The following DYRK2 variants were observed in gnomAD, a reference collection of about 807,000 sequenced individuals.
DYRK2 encodes the protein dual specificity tyrosine phosphorylation regulated kinase 2.
In DYRK2, 12 loss-of-function variants were observed where a neutral mutation model predicts 41.6. The observed-to-expected ratio is 0.29, with a 90% CI of 0.18 to 0.47. The LOEUF (loss-of-function observed/expected upper bound fraction) is 0.47. DYRK2 is among the 20% of genes least tolerant of loss of function. DYRK2 has a pLI of 1.00. For synonymous variants in DYRK2, 322 were observed against 315.7 expected, an observed-to-expected ratio of 1.02 and a Z score of -0.21; for missense variants, 678 against 798.4, an observed-to-expected ratio of 0.85 and a Z score of 1.82.
chr12:67,649,370 C>T (rs150545353), intron 1 of DYRK2, among the ~76,000 whole-genome samples, 188 bp downstream of exon 1: 2,559 of 151,596 alleles, frequency 0.017, 63 homozygotes, highest in African/African-American at 0.059. Flanking sequence ...GGCCCCTCCG[C>T]GGGGAGCCCT....
At chr12:67,655,578 A>AT (rs1272975234) in intron 2 of DYRK2, among the ~76,000 whole-genome samples, 2 of 152,224 alleles carry the variant, frequency 1.3e-5, no homozygotes, top group Non-Finnish European at 2.9e-5. Context: ...GTGATAAAAA[A>AT]GCTCAGTTAT....
chr12:67,648,902 G>C lies in DYRK2; in HGVS notation c.-232G>C. The C allele has an allele frequency of 2.9e-6, 1 of 350,752 alleles. No individual in the cohort carries two copies. The highest frequency in any genetic ancestry group is 5.1e-6 in the Non-Finnish European group (1 of 196,620). The allele number at this position is 350,752 out of a possible 1,614,324, so 21.7% of individuals were successfully genotyped here. On this transcript the variant is annotated 5_prime_UTR_variant, in exon 1 of 3. Coordinates refer to ENST00000344096, the MANE Select transcript of DYRK2 (RefSeq NM_006482.3). The stretch of plus-strand genomic sequence containing the variant: ...GCCGGAGGGTGCTGCAGCCGCCCGA[G>C]GAAGAGGAGGACGGCGGCGAGGAGG...
rs1001100183 is a variant in DYRK2 at position 67,657,867 on chromosome 12, C to T, written c.960C>T (p.Phe320=). 2 of 1,614,116 alleles carry T rather than the reference C, an allele frequency of 1.2e-6. No individual in the cohort carries two copies. Among genetic ancestry groups the T allele is most frequent in the African/African-American group, 1.3e-5 (1 of 74,946 alleles). ...TCAAGAAGAATAAATTCCAGGGCTTCAGTCTGCCTTTGGTTCGCAAGTTTG... is the reference window on the plus strand; with the variant it reads ...TCAAGAAGAATAAATTCCAGGGCTTTAGTCTGCCTTTGGTTCGCAAGTTTG... ...ELIKKNKFQG[F]SLPLVRKFAH... Residue 320 remains phenylalanine (F), a synonymous_variant, in exon 3 of 3, where the codon TTC becomes TTT. Transcript: ENST00000344096. The surrounding 1 kb of genome is among the most constrained non-coding windows in gnomAD (Gnocchi z 4.8).
chr12:67,657,242 C>T lies in DYRK2; in HGVS notation c.335C>T (p.Thr112Ile), dbSNP rs893362378. ...TVLTTQPNGL[T>I]TVGKTGLPVV... ...CTCACGACACAACCAAATGGGCTTA[C>T]AACAGTGGGCAAAACGGGCTTGCCA... Residue 112 changes from threonine to isoleucine, a missense_variant, in exon 3 of 3, where the codon ACA becomes ATA. Thr to Ile is a moderately conservative substitution (Grantham distance 89). Transcript: ENST00000344096. This position sits in a 1 kb window ranked among gnomAD's most constrained non-coding sequence, Gnocchi z 4.8. 6.2e-7 allele frequency: 1 copy of T among 1,614,032 alleles called. No homozygotes were observed. The highest frequency in any genetic ancestry group is 8.5e-7 in the Non-Finnish European group (1 of 1,180,014).
chr12:67,654,030 G>T (rs1872398813), intron 2 of DYRK2, among the ~76,000 whole-genome samples: 1 of 152,182 alleles, frequency 6.6e-6, no homozygotes, highest in Admixed American at 6.5e-5. Context: ...CCCCCTAAAA[G>T]CCCTAATGAG....
chr12:67,660,970 C>A lies in DYRK2; in HGVS notation c.*2257C>A, dbSNP rs1872606864. The A allele has an allele frequency of 6.0e-6, 1 of 166,968 alleles. No homozygotes were observed. The highest frequency in any genetic ancestry group is 1.5e-5 in the Non-Finnish European group (1 of 68,108). The allele number at this position is 166,968 out of a possible 1,614,324, so 10.3% of individuals were successfully genotyped here. A position where few individuals can be genotyped will look rare whatever the true frequency, so the allele number is the denominator to read the frequency against. On this transcript the variant is annotated 3_prime_UTR_variant, in exon 3 of 3. Coordinates refer to ENST00000344096, the MANE Select transcript of DYRK2 (RefSeq NM_006482.3). ...AACATTTATAAATGGACTAATACTG[C>A]TTGTCTTTCCCCCACCGCACAAAAC... is the stretch of plus-strand genomic sequence containing the variant.
intron 2 of DYRK2, chr12:67,652,678 A>G (rs920977030): frequency 6.6e-6 from 1 of 152,260 alleles, no homozygotes; most frequent in Non-Finnish European, 1.5e-5. Flanking sequence ...ATTGGAAGAA[A>G]TGAAAACTAC....
rs777366599 is a variant in DYRK2 at position 67,657,140 on chromosome 12, T to C, written c.233T>C (p.Leu78Pro). 1 of 1,582,478 alleles carries C rather than the reference T, an allele frequency of 6.3e-7. No homozygotes were observed. ...AGTAAGCACACAATGAATGATCACC[T>C]GCATGTCGGCAGCCACGCTCACGGA... ...GGSKHTMNDH[L>P]HVGSHAHGQI... Residue 78 changes from leucine to proline, a missense_variant, in exon 3 of 3, where the codon CTG becomes CCG. Leu to Pro is a moderately conservative substitution (Grantham distance 98, BLOSUM62 -3). Around this residue, in one of 2 missense-constraint regions of DYRK2, gnomAD observed 285 missense variants for 279.2 expected, o/e 1.02. Transcript: ENST00000344096. The surrounding 1 kb of genome is among the most constrained non-coding windows in gnomAD (Gnocchi z 4.8).
At position 67,657,325 on chromosome 12, in the gene DYRK2, C is replaced by T. The variant is rs1217584168; in HGVS notation, c.418C>T (p.Leu140=). 1.2e-6 allele frequency: 2 copies of T among 1,613,974 alleles called. No homozygotes were observed. The highest frequency in any genetic ancestry group is 1.7e-6 in the Non-Finnish European group (2 of 1,179,950). The change falls in exon 3 of 3, where the codon CTA becomes TTA. Residue 140 remains leucine, a synonymous_variant. Coordinates refer to ENST00000344096, the MANE Select transcript of DYRK2 (RefSeq NM_006482.3). This position sits in a 1 kb window ranked among gnomAD's most constrained non-coding sequence, Gnocchi z 4.8. The stretch of plus-strand genomic sequence containing the variant: ...TAGACGGCAGGGGAGCTCCACCTCT[C>T]TAAAGTCCATGGAAGGCATGGGGAA... ...IHRRQGSSTS[L]KSMEGMGKVK...
rs758935204 is a variant in DYRK2 at position 67,657,111 on chromosome 12, C to T, written c.204C>T (p.Gly68=). 15 of 1,541,860 alleles carry T rather than the reference C, an allele frequency of 9.7e-6. No individual in the cohort carries two copies. The South Asian group carries it at 1.0e-4, about 10-fold the overall frequency. Residue 68 remains glycine (G), a synonymous_variant, in exon 3 of 3, where the codon GGC becomes GGT. Transcript: ENST00000344096. The surrounding 1 kb of genome is among the most constrained non-coding windows in gnomAD (Gnocchi z 4.8). ...ATTTCCTGTCTGAATTCCAGATTGG[C>T]GGCAGTAAGCACACAATGAATGATC... ...SNAAAAAHTI[G]GSKHTMNDHL... is the part of the protein sequence containing the mutation.
At chr12:67,655,572 T>TA (rs910097085) in intron 2 of DYRK2, among the ~76,000 whole-genome samples, 2 of 152,314 alleles carry the variant, frequency 1.3e-5, no homozygotes, top group African/African-American at 4.8e-5. Flanking sequence ...ATGAGTGTGA[T>TA]AAAAAAGCTC....
chr12:67,649,533 C>T (rs921122617), intron 1 of DYRK2: 36 of 375,750 alleles, frequency 9.6e-5, no homozygotes, highest in African/African-American at 7.3e-4. Context: ...GCAACGTGGG[C>T]CGCCTAGCCC....
In DYRK2 at chr12:67,657,549, C is replaced by G. The variant is rs777122227; in HGVS notation, c.642C>G (p.Pro214=). The G allele has an allele frequency of 3.7e-6, 6 of 1,613,884 alleles. No homozygotes were observed. The East Asian group carries it at 1.3e-4, about 36-fold the overall frequency. ...DDDQGSYVQV[P]HDHVAYRYEV... ...ACCAGGGATCATATGTGCAGGTGCCCCACGATCACGTGGCTTACAGGTATG... is the reference window on the plus strand; with the variant it reads ...ACCAGGGATCATATGTGCAGGTGCCGCACGATCACGTGGCTTACAGGTATG... Residue 214 remains proline, a synonymous_variant, in exon 3 of 3, where the codon CCC becomes CCG. Transcript: ENST00000344096. The surrounding 1 kb of genome is among the most constrained non-coding windows in gnomAD (Gnocchi z 4.8).
In DYRK2 at chr12:67,663,724, GACTC is replaced by G. The variant is rs1872680374; in HGVS notation, c.*5013_*5016del. On this transcript the variant is annotated 3_prime_UTR_variant, in exon 3 of 3. Coordinates refer to ENST00000344096, the MANE Select transcript of DYRK2 (RefSeq NM_006482.3). ...ATTTCTTGTCCAGATCTGACTGACT[GACTC>G]AGGAGATTATAGTTCCTACTCATTC... The G allele has an allele frequency of 6.6e-6, 1 of 152,182 alleles. No homozygotes were observed. Among genetic ancestry groups the G allele is most frequent in the South Asian group, 2.1e-4 (1 of 4,826 alleles). 9.4% of individuals were successfully genotyped at this position (152,182 alleles called of 1,614,324 possible). A position where few individuals can be genotyped will look rare whatever the true frequency, so the allele number is the denominator to read the frequency against.
In DYRK2 at chr12:67,665,211, A is replaced by G. The variant is rs1383515265; in HGVS notation, c.*6498A>G. ...TTATCCCAATTTATCTCCCCTCCTAAGTTTGAGGAGTTTTATATATTAAGG... is the reference window on the plus strand; with the variant it reads ...TTATCCCAATTTATCTCCCCTCCTAGGTTTGAGGAGTTTTATATATTAAGG... On this transcript the variant is annotated 3_prime_UTR_variant, in exon 3 of 3. Transcript: ENST00000344096. 6.6e-6 allele frequency: 1 copy of G among 152,138 alleles called. No homozygotes were observed. The highest frequency in any genetic ancestry group is 1.5e-5 in the Non-Finnish European group (1 of 68,012). 9.4% of individuals were successfully genotyped at this position (152,138 alleles called of 1,614,324 possible).
intron 2 of DYRK2, among the ~76,000 whole-genome samples, chr12:67,654,291 G>A (rs1485385371): frequency 3.3e-5 from 5 of 152,218 alleles, no homozygotes; most frequent in Admixed American, 1.3e-4. Flanking sequence ...GATGAGAATG[G>A]AAGGACTCCG....
In DYRK2 at chr12:67,663,538, TTGTTAC is replaced by T. The variant is rs748843968; in HGVS notation, c.*4828_*4833del. 2.0e-5 allele frequency: 3 copies of T among 152,154 alleles called. No individual in the cohort carries two copies. The highest frequency in any genetic ancestry group is 2.9e-5 in the Non-Finnish European group (2 of 68,010). 9.4% of individuals were successfully genotyped at this position (152,154 alleles called of 1,614,324 possible). ...TCGTCATAGCCTGGGCCATAGATTT[TTGTTAC>T]TGCTAATCTTGCTTCTTAAAGTTCA... is the stretch of plus-strand genomic sequence containing the variant. On this transcript the variant is annotated 3_prime_UTR_variant, in exon 3 of 3. Coordinates refer to ENST00000344096, the MANE Select transcript of DYRK2 (RefSeq NM_006482.3).
intron 2 of DYRK2, among the ~76,000 whole-genome samples, chr12:67,652,996 A>ATTTTTTTTTTTTT: frequency 3.3e-5 from 5 of 151,358 alleles, no homozygotes; most frequent in African/African-American, 1.2e-4. Context: ...TGCCTGGCTA[A>ATTTTTTTTTTTTT]TTTTTGTATT....
At chr12:67,651,015 T>C (rs1431729186) in intron 2 of DYRK2, among the ~76,000 whole-genome samples, 2 of 152,200 alleles carry the variant, frequency 1.3e-5, no homozygotes, top group Non-Finnish European at 2.9e-5. Flanking sequence ...GTCTAGACTG[T>C]AGTTGCACCT....
Sources: gnomAD v4.1 joint callset for allele counts (sites outside exome capture counted in the v4.1 genomes callset) on GRCh38, gnomAD v4.1.1 for gene constraint, gnomAD v4.1.1 regional missense constraint, Gnocchi (gnomAD v3.1) non-coding constraint, MANE v1.5 for transcripts, NCBI Gene and HGNC (gene_info 2026-07-23, HGNC 2026-07-21) for gene names.